The following FOXP2 variants were observed in gnomAD, a reference collection of about 807,000 sequenced individuals.
The protein encoded by FOXP2 is forkhead box P2.
FOXP2 carries 12 observed loss-of-function variants against 115.8 expected under a neutral mutation model. The observed-to-expected ratio is 0.10, with a 90% CI of 0.07 to 0.17. FOXP2 has a LOEUF of 0.17. Among genes scored for constraint, FOXP2 ranks in the 10% least tolerant of loss-of-function variants. FOXP2 has a pLI of 1.00. For synonymous variants in FOXP2, 328 were observed against 297.7 expected (o/e 1.10, Z -1.05); for missense variants, 629 against 843.5 (o/e 0.75, Z 3.15).
At chr7:114,491,653 G>C (rs1169808459) in intron 2 of FOXP2, among the ~76,000 whole-genome samples, 1 of 152,096 alleles carries the variant, frequency 6.6e-6, no homozygotes, top group South Asian at 2.1e-4. Flanking sequence ...TAACATTTAA[G>C]TCTTTAATCC....
At chr7:114,587,618 GCA>G (rs1802205313) in intron 3 of FOXP2, among the ~76,000 whole-genome samples, 2 of 151,762 alleles carry the variant, frequency 1.3e-5, no homozygotes, top group African/African-American at 2.4e-5. Context: ...TTTGAATAAA[GCA>G]AATCCAAACA....
chr7:114,305,602 G>A (rs1165513171), intron 2 of FOXP2, among the ~76,000 whole-genome samples: 1 of 152,048 alleles, frequency 6.6e-6, no homozygotes, highest in African/African-American at 2.4e-5. Flanking sequence ...ATTCCATCCA[G>A]TCCTTATACA....
Position 114,426,561 on chromosome 7 carries a change from A to G in FOXP2, c.50A>G (p.Gln17Arg). 1.9e-6 allele frequency: 3 copies of G among 1,611,564 alleles called. No individual in the cohort carries two copies. The highest frequency in any genetic ancestry group is 2.5e-6 in the Non-Finnish European group (3 of 1,178,334). Reference sequence around the variant, plus strand: ...ACAATAAGCAACAGTTCAATGAATCAAAATGGAATGAGCACTCTAAGCAGC... The same window carrying G: ...ACAATAAGCAACAGTTCAATGAATCGAAATGGAATGAGCACTCTAAGCAGC... ...TETISNSSMN[Q>R]NGMSTLSSQL... The change falls in exon 2 of 17, where the codon CAA becomes CGA. Residue 17 changes from glutamine to arginine, a missense_variant. By Grantham distance (43) the Gln-to-Arg change is conservative. Transcript: ENST00000350908.
At chr7:114,221,481 G>A (rs1013744217) in intron 1 of FOXP2, among the ~76,000 whole-genome samples, 1 of 152,082 alleles carries the variant, frequency 6.6e-6, no homozygotes, top group African/African-American at 2.4e-5. Flanking sequence ...GGGAAAGAAG[G>A]ATATAAGGAT....
chr7:114,628,346 C>A (rs886733023), intron 3 of FOXP2, among the ~76,000 whole-genome samples, 194 bp from the exon 4 acceptor site: 1 of 152,006 alleles, frequency 6.6e-6, no homozygotes, highest in Non-Finnish European at 1.5e-5. Flanking sequence ...AAATCTGATG[C>A]CTCTGGAAAG....
chr7:114,161,448 C>CCT (rs371585130), upstream of FOXP2, among the ~76,000 whole-genome samples: 54 of 152,018 alleles, frequency 3.6e-4, no homozygotes, highest in African/African-American at 1.3e-3. Context: ...AAAGAGGTGC[C>CCT]CTTTTGCCCA....
At chr7:114,484,792 A>G (rs1796702240) in intron 2 of FOXP2, among the ~76,000 whole-genome samples, 2 of 151,960 alleles carry the variant, frequency 1.3e-5, no homozygotes, top group South Asian at 2.1e-4. Context: ...CACAAGTTGC[A>G]TTAACAGAAA....
rs372685016 is a variant in FOXP2, at chr7:114,135,184, T to C, written c.-246-27760T>C. On this transcript the variant is annotated intron_variant, in intron 1 of 19. Coordinates refer to the FOXP2 transcript ENST00000635638. ...TGGAAACATATTTTACTGGTTTTCA[T>C]TGGAATCAAATTTTTTTATTTATAA... Among the ~76,000 whole-genome samples, 34 of 152,330 alleles carry C rather than the reference T, an allele frequency of 2.2e-4. No homozygotes were observed. In the East Asian group the frequency reaches 2.7e-3, roughly 12 times the overall value.
intron 2 of FOXP2, 126 bp from the exon 3 acceptor site, chr7:114,534,491 A>C (rs1799284095): frequency 1.2e-6 from 1 of 826,110 alleles, no homozygotes; most frequent in Non-Finnish European, 2.1e-6. Flanking sequence ...GATAAACAAC[A>C]ATGATTCTCT....
intron 3 of FOXP2, among the ~76,000 whole-genome samples, chr7:114,600,012 G>A (rs933635482): frequency 2.4e-4 from 37 of 152,108 alleles, no homozygotes; most frequent in African/African-American, 8.9e-4. Flanking sequence ...TAAGGATGAA[G>A]TAATATGAAT....
chr7:114,346,006 A>G (rs568778591), intron 2 of FOXP2, among the ~76,000 whole-genome samples: 2 of 151,902 alleles, frequency 1.3e-5, no homozygotes, highest in South Asian at 4.1e-4. Context: ...ACAAACAGCA[A>G]TTTACATTTT....
intron 10 of FOXP2, among the ~76,000 whole-genome samples, chr7:114,657,422 T>C (rs761720873): frequency 3.9e-5 from 6 of 152,310 alleles, no homozygotes; most frequent in Non-Finnish European, 5.9e-5. Flanking sequence ...CACAAATGAT[T>C]GTTAGTGAGG....
intron 2 of FOXP2, among the ~76,000 whole-genome samples, chr7:114,358,045 GTAGCTCCCA>G (rs1791656765): frequency 6.6e-6 from 1 of 152,132 alleles, no homozygotes; most frequent in African/African-American, 2.4e-5. Flanking sequence ...ATCTTGAATT[GTAGCTCCCA>G]TAATCCCCAC....
intron 1 of FOXP2, among the ~76,000 whole-genome samples, chr7:114,102,457 G>A (rs1215197258): frequency 6.6e-6 from 1 of 151,954 alleles, no homozygotes; most frequent in East Asian, 1.9e-4. Flanking sequence ...TATAAAAGCA[G>A]TTATGGACAA....
chr7:114,145,762 A>G (rs546499499), intron 1 of FOXP2, among the ~76,000 whole-genome samples: 1 of 152,192 alleles, frequency 6.6e-6, no homozygotes, highest in Non-Finnish European at 1.5e-5. Context: ...ATGCAATTCT[A>G]TAGAGAGACA....
chr7:114,411,820 A>G (rs998347623), upstream of FOXP2, among the ~76,000 whole-genome samples: 12 of 152,138 alleles, frequency 7.9e-5, no homozygotes, highest in South Asian at 8.3e-4. Context: ...ACAACTGATC[A>G]TATCCAGTGT....
rs949308967 is a variant in FOXP2 at position 114,375,949 on chromosome 7, T to G, written c.-10-50553T>G. The stretch of plus-strand genomic sequence containing the variant: ...TAACAAAGTTACATTGCAAAAGGAC[T>G]TGCAAGATGGGAAGAATTTTTGGGG... On this transcript the variant is annotated intron_variant, in intron 2 of 17. Coordinates refer to the FOXP2 transcript ENST00000634411. 3.6e-4 allele frequency among the ~76,000 whole-genome samples: 55 copies of G among 152,322 alleles called. 1 individual carries two copies. Among genetic ancestry groups the G allele is most frequent in the African/African-American group, 1.3e-3 (53 of 41,570 alleles).
chr7:114,276,132 A>G (rs1397190050), intron 1 of FOXP2, among the ~76,000 whole-genome samples: 1 of 152,134 alleles, frequency 6.6e-6, no homozygotes, highest in African/African-American at 2.4e-5. Flanking sequence ...TGAGAAGAAC[A>G]GAGTGCTCTG....
chr7:114,593,935 A>G (rs975298322), intron 3 of FOXP2, among the ~76,000 whole-genome samples: 2 of 152,034 alleles, frequency 1.3e-5, no homozygotes, highest in African/African-American at 4.8e-5. Context: ...AAATATTAGA[A>G]AGATCTTTAC....
Sources: allele counts gnomAD v4.1 joint callset (sites outside exome capture counted in the v4.1 genomes callset), GRCh38; gene constraint gnomAD v4.1.1; transcripts MANE v1.5; gene names NCBI Gene and HGNC (gene_info 2026-07-23, HGNC 2026-07-21).